CAPZA2: variants seen among roughly 807,000 people sequenced by gnomAD.
CAPZA2 encodes F-actin-capping protein subunit alpha-2.
Under a neutral mutation model 44.0 loss-of-function variants are expected in CAPZA2, and 13 were observed. That is an observed-to-expected ratio of 0.30 (90% CI 0.19 to 0.47). CAPZA2 has a LOEUF of 0.47. CAPZA2 is among the 20% of genes least tolerant of loss of function. The probability of loss-of-function intolerance (pLI) is 1.00; values close to 1 mark genes in which losing one functional copy is unlikely to be tolerated. For missense variants in CAPZA2, 244 were observed against 338.6 expected, an observed-to-expected ratio of 0.72 and a Z score of 2.19; for synonymous variants, 94 against 108.2, an observed-to-expected ratio of 0.87 and a Z score of 0.81.
At chr7:116,870,104 A>G (rs1796533024) in intron 1 of CAPZA2, among the ~76,000 whole-genome samples, 1 of 152,214 alleles carries the variant, frequency 6.6e-6, no homozygotes, top group Admixed American at 6.5e-5. Flanking sequence ...GGAGAATTGG[A>G]ATATTTGTGA....
intron 1 of CAPZA2, among the ~76,000 whole-genome samples, chr7:116,866,527 C>T (rs1427518672): frequency 6.6e-6 from 1 of 152,192 alleles, no homozygotes; most frequent in Non-Finnish European, 1.5e-5. Flanking sequence ...AGTTCATTTT[C>T]ATTCCTGGGT....
intron 2 of CAPZA2, among the ~76,000 whole-genome samples, chr7:116,889,344 T>C (rs1320226068): frequency 2.6e-5 from 4 of 152,218 alleles, no homozygotes; most frequent in Non-Finnish European, 1.5e-5. Flanking sequence ...CACAGAGCTC[T>C]TCAGTTTCCG....
At chr7:116,867,875 C>T (rs938232648) in intron 1 of CAPZA2, among the ~76,000 whole-genome samples, 4 of 152,190 alleles carry the variant, frequency 2.6e-5, no homozygotes, top group African/African-American at 9.7e-5. Flanking sequence ...TGAGCGACCA[C>T]TCCCAGCCAC....
At chr7:116,895,397 T>C (rs2115938532) in intron 3 of CAPZA2, among the ~76,000 whole-genome samples, 1 of 152,268 alleles carries the variant, frequency 6.6e-6, no homozygotes, top group African/African-American at 2.4e-5. Context: ...AAATAAATTA[T>C]ATTTGTTGTA....
chr7:116,903,793 C>G (rs1365711367), intron 4 of CAPZA2, among the ~76,000 whole-genome samples: 3 of 152,176 alleles, frequency 2.0e-5, no homozygotes, highest in Admixed American at 2.0e-4. Context: ...ATTCAGGTAA[C>G]CACCCTGATT....
At chr7:116,917,592 T>C (rs1791698386) in intron 9 of CAPZA2, 135 bp from the exon 10 acceptor site, 1 of 696,734 alleles carries the variant, frequency 1.4e-6, no homozygotes, top group Non-Finnish European at 2.5e-6. Context: ...TAAAACAATG[T>C]TGGGATTTTA....
At chr7:116,900,625 AAAATAGT>A (rs1796982982) in intron 4 of CAPZA2, among the ~76,000 whole-genome samples, 1 of 151,954 alleles carries the variant, frequency 6.6e-6, no homozygotes, top group Non-Finnish European at 1.5e-5. Context: ...GATTATGAAG[AAAATAGT>A]GACGGTCTTC....
intron 1 of CAPZA2, among the ~76,000 whole-genome samples, chr7:116,868,020 G>A (rs1470766085): frequency 3.3e-5 from 5 of 152,152 alleles, no homozygotes; most frequent in Non-Finnish European, 5.9e-5. Flanking sequence ...TGTAGTAAGC[G>A]CACAATAAAT....
chr7:116,871,051 A>T (rs1189663978), intron 1 of CAPZA2, among the ~76,000 whole-genome samples: 1 of 152,200 alleles, frequency 6.6e-6, no homozygotes, highest in Non-Finnish European at 1.5e-5. Context: ...AGCTCCAGAG[A>T]TTATATAGAG....
At chr7:116,913,063 T>C (rs940567651) in intron 8 of CAPZA2, among the ~76,000 whole-genome samples, 1 of 152,236 alleles carries the variant, frequency 6.6e-6, no homozygotes, top group Non-Finnish European at 1.5e-5. Flanking sequence ...GTGCTTATGA[T>C]CATTTGTATA....
intron 4 of CAPZA2, among the ~76,000 whole-genome samples, chr7:116,902,439 A>C (rs1585011958): frequency 6.6e-6 from 1 of 152,198 alleles, no homozygotes; most frequent in East Asian, 1.9e-4. Context: ...CAAATGACCC[A>C]CAAATGTGAA....
Position 116,905,476 on chromosome 7 carries a change from A to G in CAPZA2, c.427-787A>G, listed in dbSNP as rs185480195. On this transcript the variant is annotated intron_variant, in intron 5 of 9. Transcript: ENST00000361183. Reference sequence around the variant, plus strand: ...ATCCTAGTTTATACCTGCTTTCTCAATGTAATTATTAATATCACCAGTAGC... The same window carrying G: ...ATCCTAGTTTATACCTGCTTTCTCAGTGTAATTATTAATATCACCAGTAGC... Among the ~76,000 whole-genome samples, 430 of 152,220 alleles carry G rather than the reference A, an allele frequency of 2.8e-3. 1 individual carries two copies. Among genetic ancestry groups the G allele is most frequent in the Non-Finnish European group, 4.5e-3 (309 of 68,010 alleles).
intron 1 of CAPZA2, among the ~76,000 whole-genome samples, chr7:116,867,201 C>G (rs1209743094): frequency 6.6e-6 from 1 of 152,228 alleles, no homozygotes; most frequent in African/African-American, 2.4e-5. Context: ...CAAAATTTCA[C>G]TGTACAAACA....
intron 5 of CAPZA2, among the ~76,000 whole-genome samples, chr7:116,904,941 G>A (rs1417658903): frequency 6.8e-6 from 1 of 146,984 alleles, no homozygotes; most frequent in Non-Finnish European, 1.5e-5. Flanking sequence ...GACCTGCCTG[G>A]CCAGCATGGT....
intron 4 of CAPZA2, among the ~76,000 whole-genome samples, chr7:116,900,666 A>G (rs1298404215): frequency 6.6e-6 from 1 of 152,002 alleles, no homozygotes; most frequent in African/African-American, 2.4e-5. Context: ...GCAAAAACTG[A>G]CACATGGGAT....
At position 116,891,800 on chromosome 7, in the gene CAPZA2, C is replaced by A. The variant is rs541568564; in HGVS notation, c.104-1194C>A. ...TGCTGGGATTACAGGCATGAGCCACCACACCCGGCCAGGATATTGTTTTTT... is the reference window on the plus strand; with the variant it reads ...TGCTGGGATTACAGGCATGAGCCACAACACCCGGCCAGGATATTGTTTTTT... On this transcript the variant is annotated intron_variant, in intron 2 of 9. Coordinates refer to ENST00000361183, the MANE Select transcript of CAPZA2 (RefSeq NM_006136.3). 9.2e-5 allele frequency among the ~76,000 whole-genome samples: 14 copies of A among 152,314 alleles called. No homozygotes were observed. The South Asian group carries it at 2.7e-3, about 29-fold the overall frequency.
intron 2 of CAPZA2, among the ~76,000 whole-genome samples, chr7:116,890,877 G>A (rs1796838636): frequency 6.7e-6 from 1 of 150,088 alleles, no homozygotes; most frequent in Non-Finnish European, 1.5e-5. Flanking sequence ...GAAAACCACA[G>A]TGTCAGAATG....
intron 1 of CAPZA2, among the ~76,000 whole-genome samples, chr7:116,869,415 C>T (rs1252501378): frequency 6.6e-6 from 1 of 152,206 alleles, no homozygotes; most frequent in Non-Finnish European, 1.5e-5. Flanking sequence ...AGTGTTTCTA[C>T]TGGAAATGAC....
intron 6 of CAPZA2, among the ~76,000 whole-genome samples, chr7:116,908,238 G>T (rs1024376629): frequency 6.6e-6 from 1 of 151,984 alleles, no homozygotes; most frequent in Admixed American, 6.6e-5. Flanking sequence ...TTCAGTCTGG[G>T]TGACAAAGCA....
Sources: allele counts gnomAD v4.1 joint callset (sites outside exome capture counted in the v4.1 genomes callset), GRCh38; gene constraint gnomAD v4.1.1; transcripts MANE v1.5; gene names NCBI Gene and HGNC (gene_info 2026-07-23, HGNC 2026-07-21).